The following CEP135 variants were observed in gnomAD, a reference collection of about 807,000 sequenced individuals.
CEP135 encodes the protein centrosomal protein of 135 kDa.
CEP135 carries 142 observed loss-of-function variants against 157.3 expected under a neutral mutation model. That is an observed-to-expected ratio of 0.90 (90% CI 0.79 to 1.04). The LOEUF is 1.04. Among genes scored for constraint, CEP135 ranks in the 50% least tolerant of loss-of-function variants. The pLI is 0.00. For missense variants in CEP135, 1,317 were observed against 1,309.2 expected, an observed-to-expected ratio of 1.01 and a Z score of -0.09; for synonymous variants, 396 against 439.8, an observed-to-expected ratio of 0.90 and a Z score of 1.25.
intron 5 of CEP135, among the ~76,000 whole-genome samples, chr4:55,958,237 C>G (rs539230443): frequency 6.6e-6 from 1 of 152,224 alleles, no homozygotes; most frequent in East Asian, 1.9e-4. Flanking sequence ...GAATTCAAGA[C>G]CAGCCTGGTC....
chr4:55,976,554 A>G (rs1180062332), intron 11 of CEP135, among the ~76,000 whole-genome samples: 1 of 152,256 alleles, frequency 6.6e-6, no homozygotes, highest in Non-Finnish European at 1.5e-5. Flanking sequence ...GTAAGGCACT[A>G]GTAAAATTAA....
chr4:55,960,067 T>C (rs2593067), intron 6 of CEP135: 25,414 of 489,666 alleles, frequency 0.052, 980 homozygotes, highest in African/African-American at 0.13. Context: ...CTCGATTCTC[T>C]TCACTATTCA....
At chr4:55,953,319 C>CATTTTATTTTAGAAGGAAAAGCTTTTTTT in intron 3 of CEP135, 44 bp downstream of exon 3, 1 of 1,338,526 alleles carries the variant, frequency 7.5e-7, no homozygotes, top group Non-Finnish European at 1.0e-6. Flanking sequence ...TGTCTTTGTC[C>CATTTTATTTTAGAAGGAAAAGCTTTTTTT]TTTTTATTTT....
chr4:56,029,699 C>T (rs1731277304), intron 25 of CEP135, among the ~76,000 whole-genome samples: 1 of 152,174 alleles, frequency 6.6e-6, no homozygotes. Context: ...ATCTGTACAG[C>T]ATGTTACTGT....
chr4:56,003,620 G>A (rs1375948573), intron 17 of CEP135, among the ~76,000 whole-genome samples: 1 of 151,730 alleles, frequency 6.6e-6, no homozygotes, highest in Non-Finnish European at 1.5e-5. Flanking sequence ...TTCCTTTCTA[G>A]TTTCTGGTTG....
At chr4:55,968,915 C>G (rs915855380) in intron 8 of CEP135, 148 bp from the exon 9 acceptor site, 7 of 485,964 alleles carry the variant, frequency 1.4e-5, no homozygotes, top group Non-Finnish European at 2.2e-5. Flanking sequence ...TCAATTTTGC[C>G]TCTTCGTTGA....
intron 5 of CEP135, 59 bp downstream of exon 5, chr4:55,957,423 T>A: frequency 6.5e-7 from 1 of 1,538,674 alleles, no homozygotes; most frequent in African/African-American, 1.4e-5. Flanking sequence ...AGCTGTAAGT[T>A]TCTTGATAGG....
intron 5 of CEP135, among the ~76,000 whole-genome samples, chr4:55,958,103 G>GT (rs1196586573): frequency 6.6e-6 from 1 of 152,184 alleles, no homozygotes; most frequent in Non-Finnish European, 1.5e-5. Context: ...TACAGAGAAT[G>GT]TGGGGGGTTT....
intron 15 of CEP135, among the ~76,000 whole-genome samples, chr4:55,995,964 C>A (rs567768701): frequency 6.6e-6 from 1 of 152,258 alleles, no homozygotes; most frequent in East Asian, 1.9e-4. Context: ...TATCTAGGAT[C>A]AAATAGATGC....
intron 15 of CEP135, among the ~76,000 whole-genome samples, chr4:55,998,501 C>T (rs937201436): frequency 1.3e-5 from 2 of 152,192 alleles, no homozygotes; most frequent in African/African-American, 4.8e-5. Context: ...GAAATGCCTA[C>T]TTTCCCTGCT....
intron 17 of CEP135, among the ~76,000 whole-genome samples, chr4:56,007,995 G>GTT (rs1424698139): frequency 6.6e-6 from 1 of 152,064 alleles, no homozygotes; most frequent in Non-Finnish European, 1.5e-5. Context: ...CCATGTAGAA[G>GTT]TTTCTAAGAC....
At chr4:56,024,345 C>T (rs1028972619) in intron 24 of CEP135, among the ~76,000 whole-genome samples, 156 bp from the exon 25 acceptor site, 4 of 150,432 alleles carry the variant, frequency 2.7e-5, no homozygotes, top group Non-Finnish European at 4.4e-5. Context: ...ATATTTTATC[C>T]ACTACTTAAA....
rs1435026677 is a variant in CEP135 at position 56,019,537 on chromosome 4, C to T, written c.3197C>T (p.Thr1066Ile). 1 of 1,610,230 alleles carries T rather than the reference C, an allele frequency of 6.2e-7. No individual in the cohort carries two copies. The highest frequency in any genetic ancestry group is 1.1e-5 in the South Asian group (1 of 90,112). ...ATCCAGCTACTTAAGGAGAAGTTAACCCTTTCTGAAAGCAAATTGTAAGTG... is the reference window on the plus strand; with the variant it reads ...ATCCAGCTACTTAAGGAGAAGTTAATCCTTTCTGAAAGCAAATTGTAAGTG... ...TEIQLLKEKL[T>I]LSESKLTSQS... is the part of the protein sequence containing the mutation. Residue 1066 changes from threonine (T) to isoleucine (I), a missense_variant, in exon 23 of 26, where the codon ACC becomes ATC. Coordinates refer to ENST00000257287, the MANE Select transcript of CEP135 (RefSeq NM_025009.5).
At chr4:56,019,594 T>A in intron 23 of CEP135, 39 bp downstream of exon 23, 1 of 1,523,014 alleles carries the variant, frequency 6.6e-7, no homozygotes, top group Non-Finnish European at 9.0e-7. Flanking sequence ...GACAATTGCT[T>A]GTGAAGGATA....
chr4:55,969,704 A>G (rs1457493691), intron 9 of CEP135, among the ~76,000 whole-genome samples: 1 of 152,082 alleles, frequency 6.6e-6, no homozygotes, highest in Non-Finnish European at 1.5e-5. Flanking sequence ...ATAATTCCTT[A>G]ATTTTATGTA....
chr4:55,998,589 G>C (rs1463177586), intron 15 of CEP135, among the ~76,000 whole-genome samples: 2 of 152,212 alleles, frequency 1.3e-5, no homozygotes, highest in African/African-American at 4.8e-5. Context: ...TCAGGGCTGG[G>C]AATGGTGGCT....
At chr4:56,022,462 C>T (rs1429220034) in intron 24 of CEP135, among the ~76,000 whole-genome samples, 1 of 152,098 alleles carries the variant, frequency 6.6e-6, no homozygotes, top group East Asian at 1.9e-4. Context: ...TCCAAAGGGC[C>T]ACAGGACATA....
intron 5 of CEP135, among the ~76,000 whole-genome samples, chr4:55,957,584 A>AT (rs1456808521): frequency 6.6e-6 from 1 of 152,228 alleles, no homozygotes; most frequent in Non-Finnish European, 1.5e-5. Flanking sequence ...GTTTCTGTTC[A>AT]TACTGGCTTA....
At chr4:55,995,640 T>G (rs935579037) in intron 15 of CEP135, among the ~76,000 whole-genome samples, 3 of 152,260 alleles carry the variant, frequency 2.0e-5, no homozygotes, top group African/African-American at 4.8e-5. Flanking sequence ...AATAATTTTC[T>G]ATTGAAATTT....
Sources: allele counts gnomAD v4.1 joint callset (sites outside exome capture counted in the v4.1 genomes callset), GRCh38; gene constraint gnomAD v4.1.1; transcripts MANE v1.5; gene names NCBI Gene and HGNC (gene_info 2026-07-23, HGNC 2026-07-21).